The following SPRY4 variants were observed in gnomAD, a reference collection of about 807,000 sequenced individuals.
SPRY4 encodes the protein sprouty RTK signaling antagonist 4, also known as protein sprouty homolog 4.
Under a neutral mutation model 17.0 loss-of-function variants are expected in SPRY4, and 7 were observed. The ratio of observed to expected loss-of-function variants is 0.41; its 90% CI spans 0.23 to 0.77. The LOEUF is 0.77. Among genes scored for constraint, SPRY4 ranks in the 30% least tolerant of loss-of-function variants. The probability of loss-of-function intolerance (pLI) is 0.32; values close to 1 mark genes in which losing one functional copy is unlikely to be tolerated. For synonymous variants in SPRY4, 183 were observed against 174.1 expected (o/e 1.05, Z -0.40); for missense variants, 435 against 419.9 (o/e 1.04, Z -0.31).
chr5:142,314,932 G>A lies in SPRY4; in HGVS notation c.177C>T (p.Ala59=). ...ENDYIDNPSL[A]LTTGPKRTRG... ...GGGTCCGCTTTGGGCCGGTGGTCAG[G>A]GCCAGGCTAGGGTTGTCTATGTAGT... is the stretch of plus-strand genomic sequence containing the variant. Residue 59 remains alanine (A), a synonymous_variant, in exon 2 of 2, where the codon GCC becomes GCT. Coordinates refer to ENST00000434127, the MANE Select transcript of SPRY4 (RefSeq NM_001127496.3). This position sits in a 1 kb window ranked among gnomAD's most constrained non-coding sequence, Gnocchi z 4.8. 6.2e-7 allele frequency: 1 copy of A among 1,613,458 alleles called. No individual in the cohort carries two copies. Among genetic ancestry groups the A allele is most frequent in the Non-Finnish European group, 8.5e-7 (1 of 1,179,488 alleles).
intron 1 of SPRY4, among the ~76,000 whole-genome samples, chr5:142,322,483 A>AATATATAT (rs751790052): frequency 4.8e-4 from 57 of 117,542 alleles, no homozygotes; most frequent in African/African-American, 1.5e-3. Flanking sequence ...AAAAAAAAAA[A>AATATATAT]ATATATATAT....
At chr5:142,317,018 A>G (rs1759175882) in intron 1 of SPRY4, 1 of 985,370 alleles carries the variant, frequency 1.0e-6, no homozygotes, top group Non-Finnish European at 1.2e-6. Flanking sequence ...ATGAAACCAT[A>G]GCATCACCTT....
intron 1 of SPRY4, among the ~76,000 whole-genome samples, chr5:142,321,456 G>C (rs1759342052): frequency 6.6e-6 from 1 of 152,304 alleles, no homozygotes; most frequent in East Asian, 1.9e-4. Flanking sequence ...TGGCTCTTTT[G>C]AAAGAGCAAA....
intron 1 of SPRY4, chr5:142,319,719 A>G: frequency 8.1e-6 from 13 of 1,609,628 alleles, no homozygotes; most frequent in Non-Finnish European, 1.1e-5. Context: ...AGAACCAGCC[A>G]GTCTGACACT....
intron 1 of SPRY4, chr5:142,319,670 C>G: frequency 1.9e-6 from 3 of 1,561,616 alleles, no homozygotes; most frequent in South Asian, 1.2e-5. Context: ...CCAGAACACG[C>G]GCAACACTGT....
At chr5:142,317,732 G>A (rs1264891666) in intron 1 of SPRY4, 1 of 984,312 alleles carries the variant, frequency 1.0e-6, no homozygotes, top group Non-Finnish European at 1.2e-6. Context: ...GAATCAGAAA[G>A]CAGATTCCCC....
chr5:142,318,178 AG>A (rs1240050494), intron 1 of SPRY4: 6 of 984,646 alleles, frequency 6.1e-6, no homozygotes, highest in Non-Finnish European at 7.2e-6. Flanking sequence ...AAAAAAAAAA[AG>A]AAAGAAAAAA....
At chr5:142,322,221 G>A (rs1037681816) in intron 1 of SPRY4, among the ~76,000 whole-genome samples, 4 of 152,160 alleles carry the variant, frequency 2.6e-5, no homozygotes, top group South Asian at 2.1e-4. Context: ...GCTCACGCCT[G>A]TAATCCCAGG....
rs1758893437 is a variant in SPRY4, at chr5:142,311,156, G to C, written c.*3053C>G. The C allele has an allele frequency of 2.0e-5, 3 of 151,464 alleles. No homozygotes were observed. Among genetic ancestry groups the C allele is most frequent in the Non-Finnish European group, 4.4e-5 (3 of 67,942 alleles). 9.4% of individuals were successfully genotyped at this position (151,464 alleles called of 1,614,324 possible). A position where few individuals can be genotyped will look rare whatever the true frequency, so the allele number is the denominator to read the frequency against. ...TACCAAAGGACCAAAGGAAGGGATT[G>C]GTCTTCACCCCCTTCCTGCTCAGGA... is the stretch of plus-strand genomic sequence containing the variant. On this transcript the variant is annotated 3_prime_UTR_variant, in exon 2 of 2. Coordinates refer to ENST00000434127, the MANE Select transcript of SPRY4 (RefSeq NM_001127496.3).
intron 1 of SPRY4, chr5:142,315,666 T>C (rs1391514094): frequency 6.5e-6 from 1 of 153,886 alleles, no homozygotes; most frequent in Non-Finnish European, 1.4e-5. Context: ...TCTAGCAATA[T>C]TGCTATGAAT....
chr5:142,317,307 G>A (rs1239934980), intron 1 of SPRY4: 2 of 985,356 alleles, frequency 2.0e-6, no homozygotes, highest in Non-Finnish European at 2.4e-6. Flanking sequence ...CAAGAGGCCA[G>A]GGTTAGGAGC....
chr5:142,321,354 C>T (rs1032233175), intron 1 of SPRY4, among the ~76,000 whole-genome samples: 4 of 152,202 alleles, frequency 2.6e-5, no homozygotes. Context: ...CCATGCTTAG[C>T]AGGTTTGCCT....
chr5:142,314,631 C>T lies in SPRY4; in HGVS notation c.478G>A (p.Glu160Lys), dbSNP rs141394327. The T allele has an allele frequency of 4.2e-5, 68 of 1,614,238 alleles. No homozygotes were observed. The highest frequency in any genetic ancestry group is 5.4e-5 in the Non-Finnish European group (64 of 1,180,038). ...TTGCATTTACACTTCCCACAGGCCT[C>T]GCACAGCAAGAAGTGCTTGTCCAGC... The part of the protein sequence containing the change: ...PELDKHFLLC[E>K]ACGKCKCKEC... Residue 160 changes from glutamate (E) to lysine (K), a missense_variant, in exon 2 of 2, where the codon GAG becomes AAG. Physicochemically the swap from Glu to Lys is moderately conservative, Grantham distance 56 (BLOSUM62 1). Coordinates refer to ENST00000434127, the MANE Select transcript of SPRY4 (RefSeq NM_001127496.3). The surrounding 1 kb of genome is among the most constrained non-coding windows in gnomAD (Gnocchi z 4.8).
Position 142,315,085 on chromosome 5 carries a change from G to C in SPRY4, c.24C>G (p.Ser8Arg), listed in dbSNP as rs934333789. 1 of 1,612,366 alleles carries C rather than the reference G, an allele frequency of 6.2e-7. No homozygotes were observed. The highest frequency in any genetic ancestry group is 8.5e-7 in the Non-Finnish European group (1 of 1,179,948). Residue 8 changes from serine to arginine, a missense_variant, in exon 2 of 2, where the codon AGC becomes AGG. Coordinates refer to ENST00000434127, the MANE Select transcript of SPRY4 (RefSeq NM_001127496.3). MEPPIPQ[S>R]APLTPNSVMV... ...TGACTGAGTTGGGAGTCAAGGGGGC[G>C]CTCTGTGGGATCGGGGGCTCCATGG... is the stretch of plus-strand genomic sequence containing the variant.
At chr5:142,316,194 G>C (rs566584076) in intron 1 of SPRY4, among the ~76,000 whole-genome samples, 2 of 152,244 alleles carry the variant, frequency 1.3e-5, no homozygotes, top group East Asian at 3.9e-4. Context: ...CCCTGGATCA[G>C]TTTCTAATTT....
rs751651003 is a variant in SPRY4 at position 142,314,903 on chromosome 5, C to T, written c.206G>A (p.Gly69Asp). 6.2e-7 allele frequency: 1 copy of T among 1,608,096 alleles called. No individual in the cohort carries two copies. Among genetic ancestry groups the T allele is most frequent in the Non-Finnish European group, 8.5e-7 (1 of 1,175,690 alleles). ...ALTTGPKRTR[G>D]GAPELAPTPA... ...CGTCGGGGCCAGCTCTGGGGCCCCG[C>T]CCCGGGTCCGCTTTGGGCCGGTGGT... Residue 69 changes from glycine (G) to aspartate (D), a missense_variant, in exon 2 of 2, where the codon GGC becomes GAC. Transcript: ENST00000434127. This position sits in a 1 kb window ranked among gnomAD's most constrained non-coding sequence, Gnocchi z 4.8.
intron 1 of SPRY4, among the ~76,000 whole-genome samples, chr5:142,321,461 A>G (rs764598051): frequency 2.9e-4 from 44 of 152,244 alleles, no homozygotes; most frequent in Non-Finnish European, 6.3e-4. Context: ...CTTTTGAAAG[A>G]GCAAAAACAT....
chr5:142,315,199 C>T (rs1368933807), intron 1 of SPRY4, 44 bp from the exon 2 acceptor site: 1 of 1,322,578 alleles, frequency 7.6e-7, no homozygotes, highest in Non-Finnish European at 1.0e-6. Flanking sequence ...GGATTCCAGG[C>T]ATCAGTATGT....
At chr5:142,318,231 T>C (rs1219627570) in intron 1 of SPRY4, 3 of 974,420 alleles carry the variant, frequency 3.1e-6, no homozygotes, top group Non-Finnish European at 3.7e-6. Context: ...ATGCCTGTAA[T>C]CTCAGCCTTT....
Sources: allele counts gnomAD v4.1 joint callset (sites outside exome capture counted in the v4.1 genomes callset), GRCh38; gene constraint gnomAD v4.1.1; non-coding constraint Gnocchi (gnomAD v3.1); transcripts MANE v1.5; gene names NCBI Gene and HGNC (gene_info 2026-07-23, HGNC 2026-07-21).